Variants in GALNT13 observed in about 807,000 individuals in gnomAD.
GALNT13 encodes the protein polypeptide N-acetylgalactosaminyltransferase 13.
Under a neutral mutation model 64.2 loss-of-function variants are expected in GALNT13, and 28 were observed. The ratio of observed to expected loss-of-function variants is 0.44; its 90% CI spans 0.32 to 0.60. The LOEUF (loss-of-function observed/expected upper bound fraction) is 0.60. Among genes scored for constraint, GALNT13 ranks in the 20% least tolerant of loss-of-function variants. The pLI, the probability that GALNT13 is intolerant of heterozygous loss-of-function variation, is 0.05. For missense variants in GALNT13, 577 were observed against 669.8 expected, an observed-to-expected ratio of 0.86 and a Z score of 1.53; for synonymous variants, 214 against 224.6, an observed-to-expected ratio of 0.95 and a Z score of 0.42.
chr2:153,421,452 G>A, the GALNT13 span: 27 of 221,070 alleles, frequency 1.2e-4, no homozygotes, highest in Non-Finnish European at 2.1e-4. Context: ...GAGCTCAACC[G>A]CAGCTGTGGA....
At chr2:153,570,772 T>C in the GALNT13 span, among the ~76,000 whole-genome samples, 3 of 152,134 alleles carry the variant, frequency 2.0e-5, no homozygotes, top group East Asian at 1.9e-4. Context: ...ATTGTAGATA[T>C]GTGGATTTGT....
chr2:153,960,007 G>T (rs1420568690), intron 3 of GALNT13, among the ~76,000 whole-genome samples: 1 of 152,130 alleles, frequency 6.6e-6, no homozygotes, highest in Non-Finnish European at 1.5e-5. Flanking sequence ...CTGGGCTGCT[G>T]GTCAGAGAGG....
At chr2:154,052,551 A>C (rs1053336503) in intron 3 of GALNT13, among the ~76,000 whole-genome samples, 5 of 151,174 alleles carry the variant, frequency 3.3e-5, no homozygotes, top group African/African-American at 1.2e-4. Context: ...TCCTTTTTCA[A>C]CTCCTTGAGG....
At chr2:153,819,286 G>T in the GALNT13 span, among the ~76,000 whole-genome samples, 1 of 152,174 alleles carries the variant, frequency 6.6e-6, no homozygotes, top group Non-Finnish European at 1.5e-5. Flanking sequence ...ACAGAGAGTT[G>T]CAAATTCATC....
chr2:154,279,933 A>C (rs1691868421), intron 8 of GALNT13, among the ~76,000 whole-genome samples: 1 of 152,076 alleles, frequency 6.6e-6, no homozygotes, highest in African/African-American at 2.4e-5. Flanking sequence ...GCCAAACTCT[A>C]TATAGCAAAA....
At chr2:154,021,838 T>G (rs983812678) in intron 3 of GALNT13, among the ~76,000 whole-genome samples, 2 of 149,562 alleles carry the variant, frequency 1.3e-5, no homozygotes, top group Non-Finnish European at 3.0e-5. Flanking sequence ...GGCTGTGGAT[T>G]TGTCATAGAT....
chr2:153,338,069 T>A, the GALNT13 span, among the ~76,000 whole-genome samples: 6 of 152,094 alleles, frequency 3.9e-5, no homozygotes, highest in African/African-American at 1.4e-4. Context: ...TTTGGGAGGA[T>A]CACTTCAGGT....
At chr2:153,669,715 G>C in the GALNT13 span, among the ~76,000 whole-genome samples, 5 of 152,102 alleles carry the variant, frequency 3.3e-5, no homozygotes, top group African/African-American at 1.2e-4. Context: ...GCAGGGTGGG[G>C]CATTGCCTCA....
At chr2:153,959,777 T>C (rs933346760) in intron 3 of GALNT13, among the ~76,000 whole-genome samples, 1 of 152,080 alleles carries the variant, frequency 6.6e-6, no homozygotes, top group Non-Finnish European at 1.5e-5. Context: ...AATCCACCCA[T>C]TACTAGTCAG....
chr2:153,904,959 A>G (rs763404819), intron 2 of GALNT13, among the ~76,000 whole-genome samples: 1 of 151,746 alleles, frequency 6.6e-6, no homozygotes, highest in Non-Finnish European at 1.5e-5. Flanking sequence ...TTAAATTTCT[A>G]TATATGTCTG....
At chr2:153,566,733 A>G in the GALNT13 span, among the ~76,000 whole-genome samples, 1 of 152,212 alleles carries the variant, frequency 6.6e-6, no homozygotes, top group Admixed American at 6.5e-5. Flanking sequence ...TGGACAAACT[A>G]GGATTTGAAA....
intron 2 of GALNT13, among the ~76,000 whole-genome samples, chr2:153,912,707 T>A (rs765039452): frequency 2.6e-5 from 4 of 152,192 alleles, no homozygotes; most frequent in Non-Finnish European, 5.9e-5. Flanking sequence ...CCGGACTGTG[T>A]TTTCTAATTC....
the GALNT13 span, among the ~76,000 whole-genome samples, chr2:153,530,967 A>G: frequency 7.2e-5 from 11 of 152,186 alleles, no homozygotes; most frequent in Non-Finnish European, 1.5e-4. Context: ...ACTTCAGGAC[A>G]TTGGTCTGGG....
At chr2:153,415,199 A>T in the GALNT13 span, among the ~76,000 whole-genome samples, 1 of 152,154 alleles carries the variant, frequency 6.6e-6, no homozygotes, top group Non-Finnish European at 1.5e-5. Context: ...AGCCACATAT[A>T]GTCTTGTATG....
chr2:153,509,393 C>T, the GALNT13 span, among the ~76,000 whole-genome samples: 1 of 152,256 alleles, frequency 6.6e-6, no homozygotes, highest in Non-Finnish European at 1.5e-5. Context: ...CCTGCTGCAG[C>T]TGGAGTCCCC....
At chr2:154,331,643 G>A (rs1310511806) in intron 9 of GALNT13, among the ~76,000 whole-genome samples, 1 of 152,010 alleles carries the variant, frequency 6.6e-6, no homozygotes, top group Admixed American at 6.6e-5. Flanking sequence ...TAGTTCAGAA[G>A]AAGGTAAAGC....
intron 8 of GALNT13, among the ~76,000 whole-genome samples, chr2:154,263,171 G>A (rs1690795859): frequency 6.6e-6 from 1 of 152,188 alleles, no homozygotes; most frequent in South Asian, 2.1e-4. Flanking sequence ...ATGGTTACAA[G>A]TATGGACTGG....
chr2:153,233,485 T>TA, the GALNT13 span, among the ~76,000 whole-genome samples: 267 of 133,140 alleles, frequency 2.0e-3, 2 homozygotes, highest in Middle Eastern at 9.3e-3. Context: ...TACCTTATTT[T>TA]TAAAAAAAAA....
intron 9 of GALNT13, among the ~76,000 whole-genome samples, chr2:154,356,287 T>G (rs1696745314): frequency 6.6e-6 from 1 of 152,040 alleles, no homozygotes; most frequent in South Asian, 2.1e-4. Context: ...TCTGGTGGAT[T>G]ATTCTGATTT....
Sources: gnomAD v4.1 joint callset for allele counts (sites outside exome capture counted in the v4.1 genomes callset) on GRCh38, gnomAD v4.1.1 for gene constraint, MANE v1.5 for transcripts, NCBI Gene and HGNC (gene_info 2026-07-23, HGNC 2026-07-21) for gene names.